Variants in ZMPSTE24 observed in about 807,000 individuals in gnomAD.
The protein encoded by ZMPSTE24 is CAAX prenyl protease 1 homolog.
Under a neutral mutation model 56.7 loss-of-function variants are expected in ZMPSTE24, and 48 were observed. The observed-to-expected ratio is 0.85, with a 90% CI of 0.67 to 1.08. The LOEUF is 1.08. Among genes scored for constraint, ZMPSTE24 ranks in the 50% least tolerant of loss-of-function variants. The probability of loss-of-function intolerance (pLI) is 0.00; values close to 1 mark genes in which losing one functional copy is unlikely to be tolerated. For synonymous variants in ZMPSTE24, 172 were observed against 195.2 expected (o/e 0.88, Z 0.99); for missense variants, 503 against 548.7 (o/e 0.92, Z 0.83).
intron 5 of ZMPSTE24, 80 bp downstream of exon 5, chr1:40,270,207 G>C: frequency 8.0e-6 from 12 of 1,503,702 alleles, no homozygotes; most frequent in South Asian, 1.1e-5. Flanking sequence ...CATGTAAACA[G>C]TTCTTAAGAA....
In ZMPSTE24 at chr1:40,268,546, G is replaced by T; in HGVS notation, c.474+11G>T. The T allele has an allele frequency of 6.6e-7, 1 of 1,505,674 alleles. No individual in the cohort carries two copies. The highest frequency in any genetic ancestry group is 9.2e-7 in the Non-Finnish European group (1 of 1,085,426). The allele number at this position is 1,505,674 out of a possible 1,614,324, so 93.3% of individuals were successfully genotyped here. ...GGCTTCAATCAACAGGTATAATAAA[G>T]AATACAAATGTTCTCTTTTAAATGT... On this transcript the variant is annotated intron_variant, in intron 4 of 9. Transcript: ENST00000372759.
chr1:40,279,111 A>G (rs1264464238), intron 6 of ZMPSTE24, among the ~76,000 whole-genome samples: 2 of 152,246 alleles, frequency 1.3e-5, no homozygotes, highest in Non-Finnish European at 2.9e-5. Flanking sequence ...ATTGCATTGC[A>G]GCCTAGACGA....
intron 2 of ZMPSTE24, 141 bp from the exon 3 acceptor site, chr1:40,267,645 C>T (rs527259486): frequency 3.2e-6 from 2 of 618,470 alleles, no homozygotes; most frequent in South Asian, 3.6e-5. Context: ...GCTGGGATTA[C>T]AGGCATGAGC....
At chr1:40,276,550 AT>A (rs1380957546) in intron 6 of ZMPSTE24, among the ~76,000 whole-genome samples, 1 of 152,338 alleles carries the variant, frequency 6.6e-6, no homozygotes, top group East Asian at 1.9e-4. Context: ...AATGCCTTAC[AT>A]TTTTGTAGAA....
intron 6 of ZMPSTE24, among the ~76,000 whole-genome samples, chr1:40,275,222 C>G (rs1275006726): frequency 1.6e-5 from 2 of 127,028 alleles, no homozygotes; most frequent in African/African-American, 6.0e-5. Context: ...AAATTCGAGA[C>G]AAGCCTGGCC....
intron 6 of ZMPSTE24, among the ~76,000 whole-genome samples, chr1:40,273,531 AAAAAAAATATATATATATATAT>A (rs1643633616): frequency 1.6e-5 from 1 of 63,918 alleles, no homozygotes; most frequent in South Asian, 5.8e-4. Flanking sequence ...AAAAAAAAAA[AAAAAAAATATATATATATATAT>A]ATATATATAT....
chr1:40,268,699 G>A (rs933267596), intron 4 of ZMPSTE24, among the ~76,000 whole-genome samples, 164 bp downstream of exon 4: 12 of 152,148 alleles, frequency 7.9e-5, no homozygotes, highest in Non-Finnish European at 1.3e-4. Flanking sequence ...CTTGGGGGCC[G>A]CGGTGGCTCT....
chr1:40,278,943 G>GT (rs1220308955), intron 6 of ZMPSTE24, among the ~76,000 whole-genome samples: 1 of 152,238 alleles, frequency 6.6e-6, no homozygotes, highest in African/African-American at 2.4e-5. Context: ...GAGCCCAGGA[G>GT]TTAGAGACCA....
intron 2 of ZMPSTE24, 99 bp downstream of exon 2, chr1:40,261,084 T>C: frequency 6.9e-7 from 1 of 1,456,120 alleles, no homozygotes. Context: ...AGTCCCAGAA[T>C]GCTTTCTTAA....
intron 2 of ZMPSTE24, among the ~76,000 whole-genome samples, chr1:40,261,304 C>G (rs1569614155): frequency 6.6e-6 from 1 of 152,138 alleles, no homozygotes; most frequent in Non-Finnish European, 1.5e-5. Context: ...AGCATTCTAT[C>G]ATTATTCCTG....
intron 8 of ZMPSTE24, among the ~76,000 whole-genome samples, chr1:40,288,819 C>T (rs1557782679): frequency 1.3e-5 from 2 of 152,146 alleles, no homozygotes; most frequent in East Asian, 3.9e-4. Context: ...TTCCAAGGCC[C>T]TAATAATTCA....
At chr1:40,289,629 CA>C in intron 8 of ZMPSTE24, among the ~76,000 whole-genome samples, 1 of 152,306 alleles carries the variant, frequency 6.6e-6, no homozygotes, top group South Asian at 2.1e-4. Context: ...TTTGAAGCAA[CA>C]CACTTAAATA....
chr1:40,267,939 T>A, intron 3 of ZMPSTE24, 67 bp downstream of exon 3: 1 of 1,465,644 alleles, frequency 6.8e-7, no homozygotes, highest in Non-Finnish European at 9.6e-7. Flanking sequence ...TCCACTAAAG[T>A]TAATTTTTTG....
rs1643571619 is a variant in ZMPSTE24 at position 40,267,883 on chromosome 1, C to A, written c.357+11C>A. ...GGACCAGAATATGAGGTATGTGATT[C>A]ATTAGCATGTATTTGTCATGGTATT... On this transcript the variant is annotated intron_variant, in intron 3 of 9. Transcript: ENST00000372759. The A allele has an allele frequency of 6.2e-7, 1 of 1,604,858 alleles. No individual in the cohort carries two copies. Among genetic ancestry groups the A allele is most frequent in the South Asian group, 1.1e-5 (1 of 90,864 alleles).
intron 7 of ZMPSTE24, among the ~76,000 whole-genome samples, chr1:40,282,005 C>T (rs939786724): frequency 3.3e-5 from 5 of 152,094 alleles, no homozygotes; most frequent in Admixed American, 1.3e-4. Context: ...TCCTTGGATA[C>T]GTTGTGTAAT....
At chr1:40,269,527 A>G (rs1196057361) in intron 4 of ZMPSTE24, among the ~76,000 whole-genome samples, 2 of 152,186 alleles carry the variant, frequency 1.3e-5, no homozygotes, top group Non-Finnish European at 2.9e-5. Context: ...TGGCAGGATC[A>G]TGGCTCACTG....
intron 1 of ZMPSTE24, among the ~76,000 whole-genome samples, chr1:40,259,943 T>C (rs1013458552): frequency 2.0e-5 from 3 of 152,012 alleles, no homozygotes; most frequent in Non-Finnish European, 4.4e-5. Flanking sequence ...AGGGAAAGCA[T>C]GTTGTAGTGG....
chr1:40,268,350 A>T (rs1284016489), intron 3 of ZMPSTE24, 69 bp from the exon 4 acceptor site: 1 of 1,030,298 alleles, frequency 9.7e-7, no homozygotes, highest in Admixed American at 1.7e-5. Context: ...GTAAGTGCTC[A>T]GCAAATACTT....
chr1:40,259,951 T>A (rs1248098895), intron 1 of ZMPSTE24, among the ~76,000 whole-genome samples: 1 of 151,910 alleles, frequency 6.6e-6, no homozygotes. Context: ...CATGTTGTAG[T>A]GGCCCATTAT....
Sources: allele counts gnomAD v4.1 joint callset (sites outside exome capture counted in the v4.1 genomes callset), GRCh38; gene constraint gnomAD v4.1.1; transcripts MANE v1.5; gene names NCBI Gene and HGNC (gene_info 2026-07-23, HGNC 2026-07-21).